LRMDA: variants seen among roughly 807,000 people sequenced by gnomAD.
LRMDA encodes leucine-rich melanocyte differentiation-associated protein.
A neutral mutation model predicts 29.8 loss-of-function variants in LRMDA; 18 were observed. The observed-to-expected ratio is 0.60, with a 90% confidence interval of 0.42 to 0.90. The LOEUF (loss-of-function observed/expected upper bound fraction) is 0.90, where lower values mean the gene tolerates loss of function less well. Among genes scored for constraint, LRMDA ranks in the 40% least tolerant of loss-of-function variants. LRMDA has a pLI of 0.00. For missense variants in LRMDA, 273 were observed against 273.9 expected, an observed-to-expected ratio of 1.00 and a Z score of 0.02; for synonymous variants, 125 against 109.4, an observed-to-expected ratio of 1.14 and a Z score of -0.89.
chr10:75,781,430 A>G (rs1375302461), intron 2 of LRMDA, among the ~76,000 whole-genome samples: 1 of 152,236 alleles, frequency 6.6e-6, no homozygotes, highest in African/African-American at 2.4e-5. Context: ...TTGATTTATT[A>G]TTCACCATGA....
intron 2 of LRMDA, among the ~76,000 whole-genome samples, chr10:75,498,123 C>T (rs775144227): frequency 6.6e-6 from 1 of 152,252 alleles, no homozygotes; most frequent in African/African-American, 2.4e-5. Flanking sequence ...GATGACGTCT[C>T]GTTGTGGTTT....
intron 2 of LRMDA, among the ~76,000 whole-genome samples, chr10:75,892,744 C>T (rs923141674): frequency 7.2e-5 from 11 of 152,158 alleles, no homozygotes; most frequent in African/African-American, 2.4e-4. Context: ...AATTCCATGT[C>T]CCTACTCACT....
At chr10:76,394,380 T>G (rs889863602) in intron 6 of LRMDA, among the ~76,000 whole-genome samples, 4 of 152,204 alleles carry the variant, frequency 2.6e-5, no homozygotes, top group Non-Finnish European at 5.9e-5. Flanking sequence ...GACCAAATTC[T>G]TCTGCTTTTC....
intron 2 of LRMDA, among the ~76,000 whole-genome samples, chr10:75,851,320 C>T (rs1413993795): frequency 1.3e-5 from 2 of 152,204 alleles, no homozygotes; most frequent in Non-Finnish European, 2.9e-5. Flanking sequence ...CTGGGCTACT[C>T]AGACCATAAA....
chr10:76,188,073 G>A (rs540873795), intron 5 of LRMDA, among the ~76,000 whole-genome samples: 3 of 152,090 alleles, frequency 2.0e-5, no homozygotes, highest in African/African-American at 7.2e-5. Flanking sequence ...TCTGGCTTTC[G>A]ATGGAGCTCA....
chr10:76,163,450 T>G (rs1420269754), intron 5 of LRMDA, among the ~76,000 whole-genome samples: 1 of 152,164 alleles, frequency 6.6e-6, no homozygotes, highest in Non-Finnish European at 1.5e-5. Flanking sequence ...GGAAGTGATA[T>G]GCATTTACCA....
chr10:76,429,848 C>A (rs548157616), intron 6 of LRMDA, among the ~76,000 whole-genome samples: 7 of 152,150 alleles, frequency 4.6e-5, no homozygotes, highest in Non-Finnish European at 8.8e-5. Context: ...AGGCGCCTGC[C>A]GAGATGGAAT....
intron 2 of LRMDA, among the ~76,000 whole-genome samples, chr10:75,821,783 C>G (rs1455989101): frequency 6.6e-6 from 1 of 150,624 alleles, no homozygotes; most frequent in Non-Finnish European, 1.5e-5. Flanking sequence ...AACAAACAAA[C>G]AAACAAACAA....
At chr10:76,040,422 C>A (rs1848321410) in intron 3 of LRMDA, among the ~76,000 whole-genome samples, 1 of 152,162 alleles carries the variant, frequency 6.6e-6, no homozygotes, top group African/African-American at 2.4e-5. Flanking sequence ...GTGTTGATAT[C>A]CTGCTCTGGT....
chr10:76,082,560 T>C (rs1464169614), intron 5 of LRMDA, among the ~76,000 whole-genome samples: 1 of 151,248 alleles, frequency 6.6e-6, no homozygotes, highest in African/African-American at 2.4e-5. Flanking sequence ...CTTAGAAACC[T>C]GTATTGAGTT....
chr10:76,544,263 A>G (rs1471199957), intron 6 of LRMDA, among the ~76,000 whole-genome samples: 3 of 152,208 alleles, frequency 2.0e-5, no homozygotes, highest in Non-Finnish European at 4.4e-5. Flanking sequence ...CGAGGCTCAC[A>G]TTGGCCCATG....
At chr10:75,687,965 C>A (rs936970378) in intron 2 of LRMDA, among the ~76,000 whole-genome samples, 5 of 152,126 alleles carry the variant, frequency 3.3e-5, no homozygotes, top group African/African-American at 1.2e-4. Context: ...ATATTTTAAG[C>A]CCACTGTTGA....
chr10:75,814,046 C>T (rs1192903711), intron 2 of LRMDA, among the ~76,000 whole-genome samples: 1 of 152,192 alleles, frequency 6.6e-6, no homozygotes, highest in African/African-American at 2.4e-5. Context: ...GAATGTTTGC[C>T]ATTCTTCCTT....
At chr10:76,124,018 A>C (rs1404645826) in intron 5 of LRMDA, among the ~76,000 whole-genome samples, 1 of 152,060 alleles carries the variant, frequency 6.6e-6, no homozygotes, top group African/African-American at 2.4e-5. Flanking sequence ...CACCTTTTGA[A>C]ACTTTTGTTA....
chr10:75,870,001 A>T (rs1446153925), intron 2 of LRMDA, among the ~76,000 whole-genome samples: 5 of 152,118 alleles, frequency 3.3e-5, no homozygotes, highest in African/African-American at 4.8e-5. Context: ...TGCTTCGTTT[A>T]TATGAACCAG....
At chr10:75,544,840 T>G (rs1189203242) in intron 2 of LRMDA, among the ~76,000 whole-genome samples, 1 of 152,234 alleles carries the variant, frequency 6.6e-6, no homozygotes, top group Non-Finnish European at 1.5e-5. Context: ...CTTGTCCTTT[T>G]GATCGTAGTG....
chr10:75,449,894 T>C (rs1161294297), intron 2 of LRMDA, among the ~76,000 whole-genome samples: 8 of 152,128 alleles, frequency 5.3e-5, no homozygotes, highest in Admixed American at 5.2e-4. Flanking sequence ...GCTTGAATTT[T>C]GAGTCTGAAG....
chr10:75,432,051 C>T (rs1844205731), intron 1 of LRMDA, among the ~76,000 whole-genome samples: 1 of 152,192 alleles, frequency 6.6e-6, no homozygotes, highest in Admixed American at 6.5e-5. Context: ...GTGCTGACGG[C>T]CCCCGCTGCT....
At chr10:75,447,400 C>G (rs1844407844) in intron 2 of LRMDA, among the ~76,000 whole-genome samples, 1 of 152,054 alleles carries the variant, frequency 6.6e-6, no homozygotes, top group Non-Finnish European at 1.5e-5. Context: ...GTGGTGGGTG[C>G]TTATAATCCT....
Sources: allele counts gnomAD v4.1 joint callset (sites outside exome capture counted in the v4.1 genomes callset), GRCh38; gene constraint gnomAD v4.1.1; transcripts MANE v1.5; gene names NCBI Gene and HGNC (gene_info 2026-07-23, HGNC 2026-07-21).